Variants in RPH3A observed in about 807,000 individuals in gnomAD.
RPH3A encodes the protein rabphilin 3A.
RPH3A carries 48 observed loss-of-function variants against 102.2 expected under a neutral mutation model. The observed-to-expected ratio is 0.47, with a 90% CI of 0.37 to 0.60. The LOEUF (loss-of-function observed/expected upper bound fraction) is 0.60. RPH3A is among the 20% of genes least tolerant of loss of function. The pLI is 0.00. For synonymous variants in RPH3A, 310 were observed against 324.3 expected (o/e 0.96, Z 0.47); for missense variants, 781 against 910.1 (o/e 0.86, Z 1.83).
chr12:112,871,873 C>T (rs1260645325), intron 10 of RPH3A, among the ~76,000 whole-genome samples: 2 of 149,752 alleles, frequency 1.3e-5, no homozygotes, highest in Non-Finnish European at 1.5e-5. Context: ...TATGTATATA[C>T]ATGTATATAT....
chr12:112,743,056 CCCTCTG>C lies in RPH3A; in HGVS notation c.-139-49080_-139-49075del, dbSNP rs566130726. On this transcript the variant is annotated intron_variant, in intron 1 of 21. Transcript: ENST00000543106. ...TACTTCCTCTTCTGTAGTCAAATCT[CCCTCTG>C]CCTCTGTCTTATTCAGACACTTGTG... 3.4e-4 allele frequency among the ~76,000 whole-genome samples: 52 copies of C among 152,304 alleles called. No individual in the cohort carries two copies. In the South Asian group the frequency reaches 0.01, roughly 30 times the overall value.
intron 1 of RPH3A, among the ~76,000 whole-genome samples, chr12:112,624,244 C>T (rs1303358288): frequency 6.7e-6 from 1 of 148,988 alleles, no homozygotes; most frequent in East Asian, 2.0e-4. Context: ...ACACAAAAAA[C>T]CCTTCAAAAA....
chr12:112,678,129 G>A (rs1454232124), intron 1 of RPH3A, among the ~76,000 whole-genome samples: 4 of 151,624 alleles, frequency 2.6e-5, no homozygotes, highest in Non-Finnish European at 5.9e-5. Context: ...CCTGGAAGGC[G>A]GAGGTTGCAG....
At chr12:112,601,151 T>TC (rs1170840695) in intron 1 of RPH3A, among the ~76,000 whole-genome samples, 1 of 152,172 alleles carries the variant, frequency 6.6e-6, no homozygotes, top group African/African-American at 2.4e-5. Flanking sequence ...CAGAGCCAAA[T>TC]CGTATCAGTA....
intron 1 of RPH3A, among the ~76,000 whole-genome samples, chr12:112,680,062 C>T (rs2040215736): frequency 6.6e-6 from 1 of 151,954 alleles, no homozygotes; most frequent in South Asian, 2.1e-4. Flanking sequence ...ACAGCATGTG[C>T]AAAGACCTAG....
chr12:112,633,524 G>A (rs1001842754), intron 1 of RPH3A, among the ~76,000 whole-genome samples: 9 of 152,144 alleles, frequency 5.9e-5, no homozygotes, highest in Non-Finnish European at 1.3e-4. Flanking sequence ...CTGGCATCCA[G>A]CCCCCTCGTT....
At chr12:112,587,345 C>T (rs1461226165) in intron 1 of RPH3A, among the ~76,000 whole-genome samples, 1 of 152,212 alleles carries the variant, frequency 6.6e-6, no homozygotes, top group East Asian at 1.9e-4. Flanking sequence ...TAATACGGTT[C>T]TTCTGAGAGT....
At chr12:112,890,109 A>G in intron 18 of RPH3A, 29 bp downstream of exon 18, 2 of 1,603,730 alleles carry the variant, frequency 1.2e-6, no homozygotes, top group Non-Finnish European at 1.7e-6. Context: ...TTGAAGCCAC[A>G]GTCAGGGTCT....
chr12:112,865,319 C>T, intron 5 of RPH3A, 95 bp from the exon 6 acceptor site: 1 of 1,433,166 alleles, frequency 7.0e-7, no homozygotes, highest in African/African-American at 1.4e-5. Context: ...CAGCGTATGA[C>T]TCAAAGAAGG....
upstream of RPH3A, among the ~76,000 whole-genome samples, chr12:112,790,207 C>T (rs1256056046): frequency 6.6e-6 from 1 of 152,066 alleles, no homozygotes; most frequent in African/African-American, 2.4e-5. Flanking sequence ...CAGGTGCACA[C>T]CACCATGCCC....
intron 1 of RPH3A, among the ~76,000 whole-genome samples, chr12:112,685,333 C>T (rs561480947): frequency 1.3e-5 from 2 of 152,310 alleles, no homozygotes; most frequent in Non-Finnish European, 2.9e-5. Context: ...AATACTAATA[C>T]ATTCCAACAT....
chr12:112,661,151 T>TCA (rs1256676742), intron 1 of RPH3A, among the ~76,000 whole-genome samples: 2 of 152,188 alleles, frequency 1.3e-5, no homozygotes, highest in Non-Finnish European at 2.9e-5. Context: ...CTCGGGTCCC[T>TCA]GAGCCTCAGA....
At chr12:112,694,718 A>T (rs1214771912) in intron 1 of RPH3A, among the ~76,000 whole-genome samples, 1 of 151,960 alleles carries the variant, frequency 6.6e-6, no homozygotes, top group African/African-American at 2.4e-5. Context: ...TTTACTTGAA[A>T]TGGCCTCTTC....
chr12:112,798,533 G>A (rs974479687), intron 2 of RPH3A, among the ~76,000 whole-genome samples: 2 of 152,192 alleles, frequency 1.3e-5, no homozygotes, highest in African/African-American at 4.8e-5. Flanking sequence ...TGGCGGGGCG[G>A]CATTCTGGGG....
intron 1 of RPH3A, among the ~76,000 whole-genome samples, chr12:112,698,279 T>C (rs2040367244): frequency 6.6e-6 from 1 of 152,184 alleles, no homozygotes; most frequent in African/African-American, 2.4e-5. Flanking sequence ...GAAACCTAAA[T>C]GTAAAACCTA....
chr12:112,661,421 G>C (rs1270140898), intron 1 of RPH3A, among the ~76,000 whole-genome samples: 1 of 152,194 alleles, frequency 6.6e-6, no homozygotes, highest in East Asian at 1.9e-4. Context: ...TGCTTTCTTA[G>C]GCAGGTGTGT....
chr12:112,673,832 G>GC (rs1449955998), intron 1 of RPH3A, among the ~76,000 whole-genome samples: 1 of 151,562 alleles, frequency 6.6e-6, no homozygotes, highest in East Asian at 1.9e-4. Flanking sequence ...TCCCCACACA[G>GC]CCCCCCACTA....
chr12:112,895,158 A>G (rs970513996), intron 20 of RPH3A, among the ~76,000 whole-genome samples: 1 of 152,102 alleles, frequency 6.6e-6, no homozygotes, highest in African/African-American at 2.4e-5. Context: ...GCTGGAGTGC[A>G]GTGGCGTGAT....
intron 7 of RPH3A, among the ~76,000 whole-genome samples, chr12:112,867,263 C>T (rs2042627385): frequency 6.6e-6 from 1 of 152,002 alleles, no homozygotes; most frequent in South Asian, 2.1e-4. Context: ...TCTTCACACC[C>T]TTTTCTCGGC....
Sources: allele counts gnomAD v4.1 joint callset (sites outside exome capture counted in the v4.1 genomes callset), GRCh38; gene constraint gnomAD v4.1.1; transcripts MANE v1.5; gene names NCBI Gene and HGNC (gene_info 2026-07-23, HGNC 2026-07-21).